EPHA10: variants seen among roughly 807,000 people sequenced by gnomAD.
EPHA10 encodes the protein ephrin type-A receptor 10.
Under a neutral mutation model 109.7 loss-of-function variants are expected in EPHA10, and 120 were observed. The observed-to-expected ratio is 1.09, with a 90% CI of 0.94 to 1.27. The LOEUF is 1.27. EPHA10 is among the 50% of genes most tolerant of loss of function. The pLI, the probability that EPHA10 is intolerant of heterozygous loss-of-function variation, is 0.00. For synonymous variants in EPHA10, 640 were observed against 618.9 expected, an observed-to-expected ratio of 1.03 and a Z score of -0.51; for missense variants, 1,396 against 1,411.1, an observed-to-expected ratio of 0.99 and a Z score of 0.17.
At chr1:37,745,874 G>C (rs1646232709) in intron 5 of EPHA10, among the ~76,000 whole-genome samples, 1 of 151,848 alleles carries the variant, frequency 6.6e-6, no homozygotes, top group Admixed American at 6.6e-5. Context: ...AATAACAAAG[G>C]TGGCTTTCCT....
intron 3 of EPHA10, chr1:37,756,614 C>T (rs1421422338): frequency 6.6e-6 from 1 of 152,416 alleles, no homozygotes; most frequent in Non-Finnish European, 1.5e-5. Flanking sequence ...GTCTTTGTCA[C>T]ATACTTTATC....
At position 37,716,056 on chromosome 1, in the gene EPHA10, C is replaced by T; in HGVS notation, c.*2316G>A. 1.9e-6 allele frequency: 1 copy of T among 537,998 alleles called. No individual in the cohort carries two copies. The highest frequency in any genetic ancestry group is 3.6e-6 in the Non-Finnish European group (1 of 281,574). 33.3% of individuals were successfully genotyped at this position (537,998 alleles called of 1,614,324 possible). A position where few individuals can be genotyped will look rare whatever the true frequency, so the allele number is the denominator to read the frequency against. On this transcript the variant is annotated 3_prime_UTR_variant, in exon 17 of 17. Transcript: ENST00000373048. Reference sequence around the variant, plus strand: ...TCCAGAAGGAACCCCCTCCGACTGGCCCCCTCCCTCCCAGGGTGAGCTCAG... The same window carrying T: ...TCCAGAAGGAACCCCCTCCGACTGGTCCCCTCCCTCCCAGGGTGAGCTCAG...
At position 37,717,029 on chromosome 1, in the gene EPHA10, A is replaced by AACCCCCCCCC; in HGVS notation, c.*1342_*1343insGGGGGGGGGT. The AACCCCCCCCC allele has an allele frequency of 5.9e-6, 1 of 169,992 alleles. No individual in the cohort carries two copies. Among genetic ancestry groups the AACCCCCCCCC allele is most frequent in the Non-Finnish European group, 1.2e-5 (1 of 82,914 alleles). The allele number at this position is 169,992 out of a possible 1,614,324, so 10.5% of individuals were successfully genotyped here. A position where few individuals can be genotyped will look rare whatever the true frequency, so the allele number is the denominator to read the frequency against. ...CCTCTTGTCTCCTCTTTCCCGCCCCATCCCACCCCACCAACACACAGCCAA... is the reference window on the plus strand; with the variant it reads ...CCTCTTGTCTCCTCTTTCCCGCCCCAACCCCCCCCCTCCCACCCCACCAACACACAGCCAA... On this transcript the variant is annotated 3_prime_UTR_variant, in exon 17 of 17. Transcript: ENST00000373048.
At chr1:37,722,441 A>C (rs1207632488) in intron 10 of EPHA10, 3 of 244,422 alleles carry the variant, frequency 1.2e-5, no homozygotes, top group Non-Finnish European at 2.4e-5. Context: ...GTCAGGGGAT[A>C]ATGTCAGGCT....
At chr1:37,729,517 G>A (rs1645946589) in intron 7 of EPHA10, among the ~76,000 whole-genome samples, 1 of 152,102 alleles carries the variant, frequency 6.6e-6, no homozygotes, top group African/African-American at 2.4e-5. Flanking sequence ...GAGCCCAGGA[G>A]TTCGAGACCA....
intron 5 of EPHA10, among the ~76,000 whole-genome samples, chr1:37,745,972 T>A (rs1283837248): frequency 6.6e-6 from 1 of 152,178 alleles, no homozygotes; most frequent in African/African-American, 2.4e-5. Flanking sequence ...GGTCAGCAGA[T>A]CTGTAATCCG....
At chr1:37,730,633 G>A (rs552473750) in intron 7 of EPHA10, among the ~76,000 whole-genome samples, 1 of 152,174 alleles carries the variant, frequency 6.6e-6, no homozygotes, top group Non-Finnish European at 1.5e-5. Flanking sequence ...TTTGGTTTTG[G>A]TAACAGCTTT....
At chr1:37,729,948 C>CA (rs949677884) in intron 7 of EPHA10, among the ~76,000 whole-genome samples, 2 of 151,976 alleles carry the variant, frequency 1.3e-5, no homozygotes, top group African/African-American at 4.8e-5. Flanking sequence ...GAACCATAGC[C>CA]AGGGCCACAA....
chr1:37,747,987 A>G (rs567588110), intron 5 of EPHA10, among the ~76,000 whole-genome samples: 66 of 152,308 alleles, frequency 4.3e-4, no homozygotes, highest in African/African-American at 1.5e-3. Flanking sequence ...CTAATAATAA[A>G]TTAGAAAAAG....
rs551830057 is a variant in EPHA10 at position 37,718,319 on chromosome 1, G to A, written c.*53C>T. ...GCAGCTTGCCACGGTCCTTGGGCAG[G>A]GCTGGGGGACTGGACCCCCACCGGA... On this transcript the variant is annotated 3_prime_UTR_variant, in exon 17 of 17. Coordinates refer to ENST00000373048, the MANE Select transcript of EPHA10 (RefSeq NM_001099439.2). 8.9e-6 allele frequency: 13 copies of A among 1,460,200 alleles called. No homozygotes were observed. The African/African-American group carries it at 1.8e-4, about 20-fold the overall frequency. 90.5% of individuals were successfully genotyped at this position (1,460,200 alleles called of 1,614,324 possible).
chr1:37,751,667 T>C (rs1646329330), intron 5 of EPHA10, among the ~76,000 whole-genome samples: 1 of 149,486 alleles, frequency 6.7e-6, no homozygotes, highest in African/African-American at 2.5e-5. Context: ...AGGTTGAGAG[T>C]TGGAGACCAT....
intron 3 of EPHA10, among the ~76,000 whole-genome samples, chr1:37,758,595 A>G (rs548063020): frequency 3.3e-5 from 5 of 152,210 alleles, no homozygotes; most frequent in African/African-American, 1.2e-4. Flanking sequence ...CTGTCATAAT[A>G]TCACACTCTC....
chr1:37,753,094 C>A lies in EPHA10; in HGVS notation c.1139G>T (p.Cys380Phe). The A allele has an allele frequency of 7.5e-7, 1 of 1,329,834 alleles. No homozygotes were observed. Among genetic ancestry groups the A allele is most frequent in the Non-Finnish European group, 9.6e-7 (1 of 1,039,570 alleles). The allele number at this position is 1,329,834 out of a possible 1,614,324, so 82.4% of individuals were successfully genotyped here. A position where few individuals can be genotyped will look rare whatever the true frequency, so the allele number is the denominator to read the frequency against. ...DVTYSLLCLR[C>F]GREGPAGACE... ...GGCGCCCGCCGGGCCCTCGCGGCCG[C>A]AGCGCAGGCACAGCAGCGAGTAGGT... The change falls in exon 5 of 17, where the codon TGC becomes TTC. Residue 380 changes from cysteine (C) to phenylalanine (F), a missense_variant. Coordinates refer to ENST00000373048, the MANE Select transcript of EPHA10 (RefSeq NM_001099439.2).
chr1:37,746,444 C>T (rs1392409666), intron 5 of EPHA10, among the ~76,000 whole-genome samples: 2 of 152,012 alleles, frequency 1.3e-5, no homozygotes, highest in African/African-American at 4.8e-5. Flanking sequence ...TGGATTAGGG[C>T]CCACCCTTAT....
downstream of EPHA10, among the ~76,000 whole-genome samples, chr1:37,714,517 T>C (rs1645664320): frequency 6.6e-6 from 1 of 152,206 alleles, no homozygotes; most frequent in Non-Finnish European, 1.5e-5. Flanking sequence ...ATCTGGCTTC[T>C]GCCCTGACAA....
intron 6 of EPHA10, among the ~76,000 whole-genome samples, chr1:37,731,881 G>C (rs576241431): frequency 1.3e-4 from 20 of 152,186 alleles, no homozygotes; most frequent in Non-Finnish European, 1.8e-4. Flanking sequence ...GGGATGATAG[G>C]ATGAGGGCCA....
rs181139472 is a variant in EPHA10, at chr1:37,727,006, G to A, written c.1772+96C>T. 54 of 924,684 alleles carry A rather than the reference G, an allele frequency of 5.8e-5. No individual in the cohort carries two copies. In the Admixed American group the frequency reaches 7.7e-4, roughly 13 times the overall value. The allele number at this position is 924,684 out of a possible 1,614,324, so 57.3% of individuals were successfully genotyped here. ...AGTGTGCTTGCAGGTGCAAATCTGC[G>A]TGTGTGCAAAGTGGGCAGAGATGCC... On this transcript the variant is annotated intron_variant, in intron 8 of 16. Transcript: ENST00000373048.
intron 5 of EPHA10, among the ~76,000 whole-genome samples, chr1:37,738,432 G>C (rs1646103375): frequency 6.6e-6 from 1 of 152,086 alleles, no homozygotes; most frequent in African/African-American, 2.4e-5. Flanking sequence ...TAATCATCAG[G>C]GAAATCAAAA....
Position 37,761,587 on chromosome 1 carries a change from G to A in EPHA10, c.668C>T (p.Ala223Val). ...GGAGAAGGCGCTCTCGGCTGCGGTG[G>A]CTGGGAACGTGGCCAGGCCCCGCAC... Reference protein sequence around the residue: ...ATVRGLATFPATAAESAFSTL... With the variant: ...ATVRGLATFPVTAAESAFSTL... Residue 223 changes from alanine to valine, a missense_variant, in exon 3 of 17, where the codon GCC (alanine) becomes GTC (valine). Transcript: ENST00000373048. 1.3e-6 allele frequency: 2 copies of A among 1,599,574 alleles called. No individual in the cohort carries two copies. The highest frequency in any genetic ancestry group is 1.7e-6 in the Non-Finnish European group (2 of 1,177,366).
Sources: allele counts gnomAD v4.1 joint callset (sites outside exome capture counted in the v4.1 genomes callset), GRCh38; gene constraint gnomAD v4.1.1; transcripts MANE v1.5; gene names NCBI Gene and HGNC (gene_info 2026-07-23, HGNC 2026-07-21).